Variants in TIAM2 observed in about 807,000 individuals in gnomAD.
TIAM2 encodes the protein TIAM Rac1 associated GEF 2.
Under a neutral mutation model 152.9 loss-of-function variants are expected in TIAM2, and 80 were observed. The ratio of observed to expected loss-of-function variants is 0.52; its 90% CI spans 0.44 to 0.63. TIAM2 has a LOEUF of 0.63. Ranked by LOEUF, TIAM2 falls within the 30% of genes least tolerant of loss-of-function variation. The probability of loss-of-function intolerance (pLI) is 0.00; values close to 1 mark genes in which losing one functional copy is unlikely to be tolerated. For synonymous variants in TIAM2, 804 were observed against 838.0 expected (o/e 0.96, Z 0.70); for missense variants, 1,965 against 2,120.1 (o/e 0.93, Z 1.44).
At chr6:155,104,744 G>A (rs1223340435) in intron 2 of TIAM2, among the ~76,000 whole-genome samples, 4 of 136,000 alleles carry the variant, frequency 2.9e-5, no homozygotes, top group Non-Finnish European at 4.6e-5. Flanking sequence ...GCAACAGAGA[G>A]AGACTCTGTC....
At chr6:155,106,551 G>T (rs1005477153) in intron 2 of TIAM2, among the ~76,000 whole-genome samples, 4 of 152,188 alleles carry the variant, frequency 2.6e-5, no homozygotes, top group Admixed American at 2.0e-4. Context: ...TGCAAATCAT[G>T]ATATTATTTT....
Position 155,222,183 on chromosome 6 carries a change from A to T in TIAM2, c.3168+10876A>T, listed in dbSNP as rs559630843. ...TAGCCAGGCTGGTCTCAAACTCCTG[A>T]CCTCAGGTGATCCACACTCTTCAGC... is the stretch of plus-strand genomic sequence containing the variant. On this transcript the variant is annotated intron_variant, in intron 15 of 26. Transcript: ENST00000682666. Among the ~76,000 whole-genome samples, 6 of 151,410 alleles carry T rather than the reference A, an allele frequency of 4.0e-5. No homozygotes were observed. The South Asian group carries it at 1.0e-3, about 26-fold the overall frequency.
At chr6:155,211,468 G>A (rs963983801) in intron 15 of TIAM2, among the ~76,000 whole-genome samples, 161 bp downstream of exon 15, 1 of 151,738 alleles carries the variant, frequency 6.6e-6, no homozygotes. Flanking sequence ...CCTTATTTAT[G>A]TATTTTTTTG....
At chr6:155,017,733 G>C (rs1206551282) in intron 1 of TIAM2, among the ~76,000 whole-genome samples, 1 of 152,058 alleles carries the variant, frequency 6.6e-6, no homozygotes, top group African/African-American at 2.4e-5. Flanking sequence ...TCAATCTCCT[G>C]ACCTCATGAT....
At chr6:155,066,524 G>A (rs1055585821) in intron 1 of TIAM2, among the ~76,000 whole-genome samples, 1 of 152,120 alleles carries the variant, frequency 6.6e-6, no homozygotes. Context: ...AGCCGCTTTT[G>A]GTGGATGGAC....
intron 1 of TIAM2, among the ~76,000 whole-genome samples, chr6:155,032,096 G>T (rs1776834294): frequency 1.7e-5 from 1 of 58,822 alleles, no homozygotes; most frequent in Non-Finnish European, 3.6e-5. Flanking sequence ...GGGAAAAAAG[G>T]TGGGAGAGGT....
intron 9 of TIAM2, chr6:155,168,909 C>T (rs1403813133): frequency 3.9e-6 from 6 of 1,534,806 alleles, no homozygotes; most frequent in African/African-American, 2.7e-5. Flanking sequence ...TCCAGTAACT[C>T]CAGTGAGGTA....
At chr6:155,112,159 T>G (rs1393522574) in intron 2 of TIAM2, among the ~76,000 whole-genome samples, 1 of 147,118 alleles carries the variant, frequency 6.8e-6, no homozygotes, top group African/African-American at 2.5e-5. Flanking sequence ...GGAGTCTTGC[T>G]CTGTTGCCCA....
At chr6:155,252,269 T>G (rs1783708492) in intron 23 of TIAM2, among the ~76,000 whole-genome samples, 1 of 152,102 alleles carries the variant, frequency 6.6e-6, no homozygotes, top group Non-Finnish European at 1.5e-5. Context: ...CCCAGGAATT[T>G]GAGACCAGCC....
chr6:155,132,501 A>G (rs190005467), intron 4 of TIAM2, among the ~76,000 whole-genome samples: 9 of 152,138 alleles, frequency 5.9e-5, no homozygotes, highest in Non-Finnish European at 8.8e-5. Context: ...ATCCCTGAAT[A>G]TATTGTAGTA....
At position 155,186,291 on chromosome 6, in the gene TIAM2, C is replaced by T. The variant is rs1311406439; in HGVS notation, c.3064+2791C>T. Among the ~76,000 whole-genome samples the T allele has an allele frequency of 6.6e-6, 1 of 152,158 alleles. No homozygotes were observed. Among genetic ancestry groups the T allele is most frequent in the East Asian group, 1.9e-4 (1 of 5,192 alleles). On this transcript the variant is annotated intron_variant, in intron 14 of 26. Coordinates refer to ENST00000682666, the MANE Select transcript of TIAM2 (RefSeq NM_012454.4). The surrounding 1 kb of genome is among the most constrained non-coding windows in gnomAD (Gnocchi z 4.5). ...TGGGCTTTGGTGGATGCTACCCCAGCCTCTTTACCCTGGTGGAAACGGTTC... is the reference window on the plus strand; with the variant it reads ...TGGGCTTTGGTGGATGCTACCCCAGTCTCTTTACCCTGGTGGAAACGGTTC...
At chr6:155,126,542 ACCAACATGGAGAAAC>A (rs1343558588) in intron 2 of TIAM2, among the ~76,000 whole-genome samples, 3 of 152,062 alleles carry the variant, frequency 2.0e-5, no homozygotes, top group Non-Finnish European at 2.9e-5. Flanking sequence ...GAACAGTCTG[ACCAACATGGAGAAAC>A]CCTGTCTCTA....
chr6:155,019,820 C>T (rs558321021), intron 1 of TIAM2, among the ~76,000 whole-genome samples: 19 of 152,230 alleles, frequency 1.2e-4, no homozygotes, highest in African/African-American at 3.9e-4. Context: ...TTTGGGAGGC[C>T]GAGGCGGGCG....
chr6:155,160,405 T>G (rs1348186223), intron 7 of TIAM2, among the ~76,000 whole-genome samples: 1 of 152,190 alleles, frequency 6.6e-6, no homozygotes, highest in East Asian at 1.9e-4. Context: ...GCAATCCGCA[T>G]TACTCAGTCT....
chr6:155,172,957 A>AT (rs1306806135), intron 9 of TIAM2, among the ~76,000 whole-genome samples: 1 of 151,942 alleles, frequency 6.6e-6, no homozygotes, highest in African/African-American at 2.4e-5. Flanking sequence ...AAACTAAAGC[A>AT]TGTGTATTTT....
intron 12 of TIAM2, among the ~76,000 whole-genome samples, chr6:155,180,751 C>T (rs899572753): frequency 6.6e-5 from 10 of 151,866 alleles, no homozygotes; most frequent in Non-Finnish European, 5.9e-5. Flanking sequence ...TTACAGGCAC[C>T]GTGCTTGCCA....
At chr6:155,235,106 G>A (rs150687054) in intron 15 of TIAM2, among the ~76,000 whole-genome samples, 142 of 152,248 alleles carry the variant, frequency 9.3e-4, no homozygotes, top group African/African-American at 3.2e-3. Context: ...TTAAGGTCTC[G>A]CTGAAGCCTC....
intron 7 of TIAM2, chr6:155,149,222 T>C (rs1779890873): frequency 6.0e-6 from 1 of 167,026 alleles, no homozygotes; most frequent in African/African-American, 2.4e-5. Flanking sequence ...CTCCCCTCAA[T>C]AGAGGTGAGT....
chr6:155,071,999 G>A (rs1465827195), intron 1 of TIAM2, among the ~76,000 whole-genome samples: 1 of 152,108 alleles, frequency 6.6e-6, no homozygotes. Context: ...TCTTAAGAAT[G>A]AGGAGAAATT....
Sources: allele counts gnomAD v4.1 joint callset (sites outside exome capture counted in the v4.1 genomes callset), GRCh38; gene constraint gnomAD v4.1.1; non-coding constraint Gnocchi (gnomAD v3.1); transcripts MANE v1.5; gene names NCBI Gene and HGNC (gene_info 2026-07-23, HGNC 2026-07-21).